Variants in RNF175 observed in about 807,000 individuals in gnomAD.
RNF175 encodes ring finger protein 175.
In RNF175, 38 loss-of-function variants were observed where a neutral mutation model predicts 50.0. The ratio of observed to expected loss-of-function variants is 0.76; its 90% CI spans 0.59 to 1.00. The LOEUF (loss-of-function observed/expected upper bound fraction) is 1.00, where lower values mean the gene tolerates loss of function less well. RNF175 is among the 50% of genes least tolerant of loss of function. The pLI, the probability that RNF175 is intolerant of heterozygous loss-of-function variation, is 0.00. For synonymous variants in RNF175, 155 were observed against 146.1 expected, an observed-to-expected ratio of 1.06 and a Z score of -0.44; for missense variants, 388 against 409.6, an observed-to-expected ratio of 0.95 and a Z score of 0.46.
chr4:153,714,229 G>T (rs1737765058), intron 7 of RNF175: 2 of 152,162 alleles, frequency 1.3e-5, no homozygotes, highest in Admixed American at 6.5e-5. Flanking sequence ...TTTAAAACTA[G>T]GGCCAGACTT....
At position 153,715,634 on chromosome 4, in the gene RNF175, CT is replaced by C. The variant is rs747821406; in HGVS notation, c.658del (p.Arg220GlyfsTer63). On this transcript the variant is annotated frameshift_variant, in exon 7 of 9. Transcript: ENST00000347063. LOFTEE classifies it high-confidence loss of function. ...GFYSVSRLPT[R>X]SLSDNICAVC... ...TGCACAGATATTGTCCGATAAGCTC[CT>C]TGTAGGCAACCGGCTGACACTGTAG... The C allele has an allele frequency of 1.2e-6, 2 of 1,613,982 alleles. No individual in the cohort carries two copies. Among genetic ancestry groups the C allele is most frequent in the South Asian group, 2.2e-5 (2 of 91,082 alleles).
At chr4:153,731,665 A>C (rs936109739) in intron 3 of RNF175, among the ~76,000 whole-genome samples, 1 of 148,762 alleles carries the variant, frequency 6.7e-6, no homozygotes, top group African/African-American at 2.4e-5. Flanking sequence ...AAGAGAAAGA[A>C]AGAGAGAGAG....
intron 3 of RNF175, among the ~76,000 whole-genome samples, chr4:153,741,428 C>T (rs1739650994): frequency 1.3e-5 from 2 of 152,216 alleles, no homozygotes; most frequent in South Asian, 2.1e-4. Flanking sequence ...GGGTCCCTGA[C>T]TGTGGCTCCC....
intron 1 of RNF175, among the ~76,000 whole-genome samples, chr4:153,757,173 T>A (rs2127171462): frequency 6.6e-6 from 1 of 152,266 alleles, no homozygotes; most frequent in South Asian, 2.1e-4. Flanking sequence ...TCCCACTTAC[T>A]CCAGGACACC....
At chr4:153,754,457 G>A (rs1318890516) in intron 1 of RNF175, among the ~76,000 whole-genome samples, 4 of 152,122 alleles carry the variant, frequency 2.6e-5, no homozygotes, top group Non-Finnish European at 4.4e-5. Context: ...GATGTGTGGT[G>A]GGAGATCCTA....
At chr4:153,741,231 C>T (rs1404935481) in intron 3 of RNF175, among the ~76,000 whole-genome samples, 4 of 152,180 alleles carry the variant, frequency 2.6e-5, no homozygotes, top group South Asian at 2.1e-4. Flanking sequence ...TTTCTCTCCC[C>T]TCATATTGGA....
chr4:153,714,233 C>T (rs1397585685), intron 7 of RNF175: 1 of 152,132 alleles, frequency 6.6e-6, no homozygotes, highest in East Asian at 1.9e-4. Context: ...AAACTAGGGC[C>T]AGACTTGGAA....
At position 153,720,220 on chromosome 4, in the gene RNF175, G is replaced by A. The variant is rs761703687; in HGVS notation, c.594C>T (p.Ala198=). 4.5e-5 allele frequency: 73 copies of A among 1,613,550 alleles called. No homozygotes were observed. The highest frequency in any genetic ancestry group is 5.3e-5 in the Non-Finnish European group (62 of 1,179,696). ...AAGCCATGTAGTCTGAGCAGATCTC[G>A]GCAAAGTCTCTCCCCATTACTCCAT... ...LYYGVMGRDF[A]EICSDYMAST... The change falls in exon 6 of 9, where the codon GCC becomes GCT. Residue 198 remains alanine, a synonymous_variant. Coordinates refer to ENST00000347063, the MANE Select transcript of RNF175 (RefSeq NM_173662.4).
chr4:153,715,470 GAGA>G, intron 7 of RNF175, 56 bp downstream of exon 7: 1 of 1,496,274 alleles, frequency 6.7e-7, no homozygotes, highest in Non-Finnish European at 9.1e-7. Context: ...GGAGGAGGAG[GAGA>G]AGGAGGAAAG....
intron 3 of RNF175, chr4:153,729,603 A>G: frequency 1.1e-6 from 1 of 912,294 alleles, no homozygotes; most frequent in Non-Finnish European, 1.3e-6. Context: ...ACTTCAAGAT[A>G]GAAATGAGAA....
chr4:153,735,321 A>G (rs1032791083), intron 3 of RNF175, among the ~76,000 whole-genome samples: 2 of 150,912 alleles, frequency 1.3e-5, no homozygotes, highest in Non-Finnish European at 2.9e-5. Flanking sequence ...GTCCTTTGTC[A>G]TGGATCAGTG....
chr4:153,732,093 G>A (rs940573945), intron 3 of RNF175, among the ~76,000 whole-genome samples: 2 of 152,052 alleles, frequency 1.3e-5, no homozygotes, highest in Non-Finnish European at 2.9e-5. Flanking sequence ...TTAGCTGGGC[G>A]AGGTGGCACA....
rs567664029 is a variant in RNF175 at position 153,728,095 on chromosome 4, G to A, written c.401+112C>T. ...TTTTGCTACCAAAGGTAAAAGACAC[G>A]TAAAAGAAATGTAACCCCCCCACTC... On this transcript the variant is annotated intron_variant, in intron 4 of 8. Coordinates refer to ENST00000347063, the MANE Select transcript of RNF175 (RefSeq NM_173662.4). 1.2e-4 allele frequency: 76 copies of A among 655,960 alleles called. No homozygotes were observed. The South Asian group carries it at 1.4e-3, about 12-fold the overall frequency. The allele number at this position is 655,960 out of a possible 1,614,324, so 40.6% of individuals were successfully genotyped here. A position where few individuals can be genotyped will look rare whatever the true frequency, so the allele number is the denominator to read the frequency against.
rs1157513927 is a variant in RNF175 at position 153,718,214 on chromosome 4, TTTTGTTTGTTTGTTTG to T, written c.630+1954_630+1969del. 5.1e-4 allele frequency among the ~76,000 whole-genome samples: 26 copies of T among 50,878 alleles called. 2 individuals carry two copies. The highest frequency in any genetic ancestry group is 1.1e-3 in the Non-Finnish European group (26 of 24,238). 33.4% of individuals were successfully genotyped at this position (50,878 alleles called of 152,430 possible). On this transcript the variant is annotated intron_variant, in intron 6 of 8. Coordinates refer to ENST00000347063, the MANE Select transcript of RNF175 (RefSeq NM_173662.4). ...GCTCATTCCTTTCCTAAGGAGTTTTTTTTGTTTGTTTGTTTGTTTGTTTGTTTTTTTTTTTTTTGAA... is the reference window on the plus strand; with the variant it reads ...GCTCATTCCTTTCCTAAGGAGTTTTTTTTGTTTGTTTTTTTTTTTTTTGAA...
chr4:153,749,357 C>T (rs1740166079), intron 2 of RNF175, among the ~76,000 whole-genome samples: 1 of 152,196 alleles, frequency 6.6e-6, no homozygotes, highest in Non-Finnish European at 1.5e-5. Flanking sequence ...CAAAAACAGT[C>T]AAACGTTGGT....
rs747579203 is a variant in RNF175 at position 153,710,490 on chromosome 4, C to G, written c.867-1G>C. ...ATACAGAAAATGTGTGCGCTCCCAG[C>G]TAAATCTCAGTTAAGGAGGTTGTTC... On this transcript the variant is annotated splice_acceptor_variant, in intron 8 of 8. Coordinates refer to ENST00000347063, the MANE Select transcript of RNF175 (RefSeq NM_173662.4). LOFTEE classifies it high-confidence loss of function. 25 of 1,609,092 alleles carry G rather than the reference C, an allele frequency of 1.6e-5. No homozygotes were observed. The highest frequency in any genetic ancestry group is 5.1e-6 in the Non-Finnish European group (6 of 1,177,778).
chr4:153,757,361 G>C (rs554754556), intron 1 of RNF175, among the ~76,000 whole-genome samples: 2 of 152,254 alleles, frequency 1.3e-5, no homozygotes, highest in South Asian at 2.1e-4. Flanking sequence ...CTGCCACCCC[G>C]ATTGGCTTTC....
chr4:153,755,140 C>T (rs774231422), intron 1 of RNF175, among the ~76,000 whole-genome samples: 28 of 152,256 alleles, frequency 1.8e-4, no homozygotes, highest in Non-Finnish European at 3.8e-4. Context: ...ACACGTGGCA[C>T]GAGGGCCTCC....
intron 5 of RNF175, among the ~76,000 whole-genome samples, chr4:153,722,115 C>A (rs1343049075): frequency 6.6e-6 from 1 of 152,182 alleles, no homozygotes; most frequent in African/African-American, 2.4e-5. Context: ...TTTAGAGTAA[C>A]TTTGATGTGA....
Sources: allele counts gnomAD v4.1 joint callset (sites outside exome capture counted in the v4.1 genomes callset), GRCh38; gene constraint gnomAD v4.1.1; transcripts MANE v1.5; gene names NCBI Gene and HGNC (gene_info 2026-07-23, HGNC 2026-07-21).